MSMO1: variants seen among roughly 807,000 people sequenced by gnomAD.
MSMO1 encodes C-4 methylsterol oxidase.
A neutral mutation model predicts 30.4 loss-of-function variants in MSMO1; 18 were observed. The observed-to-expected ratio is 0.59, with a 90% CI of 0.41 to 0.88. The LOEUF (loss-of-function observed/expected upper bound fraction) is 0.88. Ranked by LOEUF, MSMO1 falls within the 40% of genes least tolerant of loss-of-function variation. The pLI is 0.00. For missense variants in MSMO1, 284 were observed against 340.5 expected (o/e 0.83, Z 1.31); for synonymous variants, 84 against 107.9 (o/e 0.78, Z 1.37).
At chr4:165,339,880 G>C (rs1366862646) in intron 4 of MSMO1, among the ~76,000 whole-genome samples, 1 of 152,162 alleles carries the variant, frequency 6.6e-6, no homozygotes, top group Non-Finnish European at 1.5e-5. Flanking sequence ...ATCCAGGTAA[G>C]AATTGTTGCA....
chr4:165,339,863 A>G (rs1747668187), intron 4 of MSMO1, among the ~76,000 whole-genome samples: 1 of 152,208 alleles, frequency 6.6e-6, no homozygotes, highest in South Asian at 2.1e-4. Context: ...CAGGCTACAG[A>G]CTAGAAATCC....
chr4:165,331,117 A>G (rs796663733), intron 1 of MSMO1, among the ~76,000 whole-genome samples: 66 of 152,162 alleles, frequency 4.3e-4, no homozygotes, highest in African/African-American at 1.4e-3. Flanking sequence ...CAGTCTGGGC[A>G]ACATAGGGTG....
intron 4 of MSMO1, among the ~76,000 whole-genome samples, chr4:165,339,605 A>G (rs375463064): frequency 6.6e-6 from 1 of 152,158 alleles, no homozygotes; most frequent in Non-Finnish European, 1.5e-5. Flanking sequence ...ATATCCCTAG[A>G]CTTTTGATGT....
Position 165,333,339 on chromosome 4 carries a change from G to T in MSMO1, c.-31-1G>T. 1.2e-6 allele frequency: 2 copies of T among 1,608,550 alleles called. No individual in the cohort carries two copies. The highest frequency in any genetic ancestry group is 1.1e-5 in the South Asian group (1 of 90,274). ...TATTATATATGTATTCATTTCTACA[G>T]AATTATAAGGCTGTCTGCAGAGATT... On this transcript the variant is annotated splice_acceptor_variant, in intron 1 of 5. Coordinates refer to ENST00000261507, the MANE Select transcript of MSMO1 (RefSeq NM_006745.5). LOFTEE classifies it low-confidence loss of function (5UTR_SPLICE).
Position 165,342,045 on chromosome 4 carries a change from G to GTAGCCAGAAGACAT in MSMO1, c.*99_*100insTAGCCAGAAGACAT. 9.8e-7 allele frequency: 1 copy of GTAGCCAGAAGACAT among 1,018,324 alleles called. No individual in the cohort carries two copies. The highest frequency in any genetic ancestry group is 1.5e-6 in the Non-Finnish European group (1 of 670,596). The allele number at this position is 1,018,324 out of a possible 1,614,324, so 63.1% of individuals were successfully genotyped here. On this transcript the variant is annotated 3_prime_UTR_variant, in exon 6 of 6. Coordinates refer to ENST00000261507, the MANE Select transcript of MSMO1 (RefSeq NM_006745.5). ...GAGAGCAGAAATAAGCATGTCTTCT[G>GTAGCCAGAAGACAT]GCTACTAAGTGATAAAAAGAACATT... is the stretch of plus-strand genomic sequence containing the variant.
In MSMO1 at chr4:165,333,365, T is replaced by G; in HGVS notation, c.-6T>G. On this transcript the variant is annotated 5_prime_UTR_variant, in exon 2 of 6. Coordinates refer to ENST00000261507, the MANE Select transcript of MSMO1 (RefSeq NM_006745.5). ...AATTATAAGGCTGTCTGCAGAGATTTGAAAAATGGCAACAAATGAAAGTGT... is the reference window on the plus strand; with the variant it reads ...AATTATAAGGCTGTCTGCAGAGATTGGAAAAATGGCAACAAATGAAAGTGT... 1 of 1,611,648 alleles carries G rather than the reference T, an allele frequency of 6.2e-7. No individual in the cohort carries two copies. The highest frequency in any genetic ancestry group is 8.5e-7 in the Non-Finnish European group (1 of 1,179,684).
rs909221765 is a variant in MSMO1, at chr4:165,338,312, A to C, written c.405-340A>C. 3.6e-5 allele frequency among the ~76,000 whole-genome samples: 4 copies of C among 111,172 alleles called. No homozygotes were observed. The East Asian group carries it at 8.3e-4, about 23-fold the overall frequency. 72.9% of individuals were successfully genotyped at this position (111,172 alleles called of 152,430 possible). ...TGAACAAAAATATGTATGTGTATAT[A>C]TATATATATATATATATACACACAT... On this transcript the variant is annotated intron_variant, in intron 3 of 5. Coordinates refer to ENST00000261507, the MANE Select transcript of MSMO1 (RefSeq NM_006745.5).
chr4:165,333,443 C>T lies in MSMO1; in HGVS notation c.73C>T (p.Pro25Ser), dbSNP rs1438686229. 4 of 1,612,344 alleles carry T rather than the reference C, an allele frequency of 2.5e-6. No homozygotes were observed. The highest frequency in any genetic ancestry group is 1.9e-4 in the Middle Eastern group (1 of 5,278). Residue 25 changes from proline to serine, a missense_variant, in exon 2 of 6, where the codon CCT becomes TCT. By Grantham distance (74) the Pro-to-Ser change is moderately conservative (BLOSUM62 -1). Coordinates refer to ENST00000261507, the MANE Select transcript of MSMO1 (RefSeq NM_006745.5). Reference sequence around the variant, plus strand: ...TGTGGAATATGTAGATTCACTTTTACCTGAGAATCCTCTGCAAGAACCATT... The same window carrying T: ...TGTGGAATATGTAGATTCACTTTTATCTGAGAATCCTCTGCAAGAACCATT... The part of the protein sequence containing the change: ...LAVEYVDSLL[P>S]ENPLQEPFKN...
At chr4:165,340,048 C>G (rs987293831) in intron 4 of MSMO1, among the ~76,000 whole-genome samples, 173 bp from the exon 5 acceptor site, 2 of 152,194 alleles carry the variant, frequency 1.3e-5, no homozygotes, top group African/African-American at 4.8e-5. Flanking sequence ...GGGTAATCAC[C>G]TTTACTCAGT....
chr4:165,336,074 G>T (rs928734673), intron 2 of MSMO1, among the ~76,000 whole-genome samples: 1 of 151,856 alleles, frequency 6.6e-6, no homozygotes, highest in African/African-American at 2.4e-5. Flanking sequence ...TAAAATTGTC[G>T]AAAAGAATAG....
intron 5 of MSMO1, among the ~76,000 whole-genome samples, chr4:165,341,408 T>A (rs963081047): frequency 4.1e-4 from 62 of 152,324 alleles, no homozygotes; most frequent in African/African-American, 1.4e-3. Context: ...ACAACTGTTA[T>A]ACATGATGGT....
Position 165,340,530 on chromosome 4 carries a change from A to G in MSMO1, c.686+155A>G, listed in dbSNP as rs941729786. 5.8e-6 allele frequency: 4 copies of G among 693,310 alleles called. No homozygotes were observed. The African/African-American group carries it at 7.2e-5, about 13-fold the overall frequency. The allele number at this position is 693,310 out of a possible 1,614,324, so 42.9% of individuals were successfully genotyped here. ...TAACTGTTGGATAAAAGTTTAAATA[A>G]TAGATGTTTTTACATTCTAGCCTAT... On this transcript the variant is annotated intron_variant, in intron 5 of 5. Transcript: ENST00000261507.
intron 4 of MSMO1, among the ~76,000 whole-genome samples, chr4:165,339,384 G>A (rs754354111): frequency 4.6e-5 from 7 of 152,266 alleles, no homozygotes; most frequent in South Asian, 2.1e-4. Context: ...GATTACAGGC[G>A]TGAGCCACCA....
chr4:165,336,289 T>G (rs1747543229), intron 2 of MSMO1, among the ~76,000 whole-genome samples: 1 of 151,760 alleles, frequency 6.6e-6, no homozygotes, highest in Non-Finnish European at 1.5e-5. Context: ...TCCTCAAAGA[T>G]AAATGTACTA....
At chr4:165,331,956 C>T (rs533411443) in intron 1 of MSMO1, among the ~76,000 whole-genome samples, 4,504 of 148,494 alleles carry the variant, frequency 0.03, 209 homozygotes, top group African/African-American at 0.11. Flanking sequence ...TAACACTCTC[C>T]CCTACCCCGT....
rs1317647149 is a variant in MSMO1, at chr4:165,334,741, T to C, written c.255+1116T>C. Among the ~76,000 whole-genome samples the C allele has an allele frequency of 2.6e-5, 4 of 152,230 alleles. No homozygotes were observed. In the East Asian group the frequency reaches 5.8e-4, roughly 22 times the overall value. On this transcript the variant is annotated intron_variant, in intron 2 of 5. Coordinates refer to ENST00000261507, the MANE Select transcript of MSMO1 (RefSeq NM_006745.5). ...TTTGTAAGCTGATGATAGTTTCTAG[T>C]GTTTGCTGTTTACTTTTCATAAAAA...
intron 5 of MSMO1, among the ~76,000 whole-genome samples, chr4:165,341,081 C>T (rs536371606): frequency 6.6e-6 from 1 of 151,718 alleles, no homozygotes; most frequent in Non-Finnish European, 1.5e-5. Context: ...CTTCCTTCCT[C>T]TAAGCTCCTC....
chr4:165,332,139 C>CA (rs1553967512), intron 1 of MSMO1, among the ~76,000 whole-genome samples: 2,233 of 85,988 alleles, frequency 0.026, 52 homozygotes, highest in African/African-American at 0.073. Flanking sequence ...GAATTTTTCC[C>CA]TTTATCCATA....
At chr4:165,336,094 G>T (rs1473890892) in intron 2 of MSMO1, among the ~76,000 whole-genome samples, 2 of 152,194 alleles carry the variant, frequency 1.3e-5, no homozygotes, top group African/African-American at 4.8e-5. Flanking sequence ...GAAGAAGTTG[G>T]TGGTGGTGAT....
Sources: gnomAD v4.1 joint callset for allele counts (sites outside exome capture counted in the v4.1 genomes callset) on GRCh38, gnomAD v4.1.1 for gene constraint, MANE v1.5 for transcripts, NCBI Gene and HGNC (gene_info 2026-07-23, HGNC 2026-07-21) for gene names.